The following B4GALNT2 variants were observed in gnomAD, a reference collection of about 807,000 sequenced individuals.
B4GALNT2 encodes the protein N-acetylneuraminylgalactosylglucosyl-glucoside beta-1,4-N- acetylgalactosaminyltransferase 2.
Under a neutral mutation model 51.1 loss-of-function variants are expected in B4GALNT2, and 42 were observed. The observed-to-expected ratio is 0.82, with a 90% CI of 0.64 to 1.06. B4GALNT2 has a LOEUF of 1.06. Among genes scored for constraint, B4GALNT2 ranks in the 50% least tolerant of loss-of-function variants. The pLI is 0.00. For synonymous variants in B4GALNT2, 253 were observed against 251.7 expected (o/e 1.01, Z -0.05); for missense variants, 602 against 633.6 (o/e 0.95, Z 0.54).
intron 1 of B4GALNT2, among the ~76,000 whole-genome samples, chr17:49,140,981 T>C (rs987230073): frequency 6.6e-6 from 1 of 152,062 alleles, no homozygotes. Flanking sequence ...CCTCCCAAAA[T>C]GCTGGGATTA....
chr17:49,159,077 C>T lies in B4GALNT2; in HGVS notation c.539C>T (p.Ala180Val). 6.2e-7 allele frequency: 1 copy of T among 1,614,248 alleles called. No homozygotes were observed. Among genetic ancestry groups the T allele is most frequent in the Non-Finnish European group, 8.5e-7 (1 of 1,180,030 alleles). ...TASLGTLNTLADVPDSVVQGR... is the reference protein window; with the variant it reads ...TASLGTLNTLVDVPDSVVQGR... ...TCTCTGGGGACACTGAACACCCTTG[C>T]TGATGTCCCAGACAGTGTGGTGCAG... Residue 180 changes from alanine (A) to valine (V), a missense_variant, in exon 6 of 11, where the codon GCT becomes GTT. Coordinates refer to ENST00000393354, the MANE Select transcript of B4GALNT2 (RefSeq NM_001159387.2).
At position 49,176,507 on chromosome 17, in the gene B4GALNT2, G is replaced by A. The variant is rs902552870; in HGVS notation, c.*6779G>A. Reference sequence around the variant, plus strand: ...TAAGGCACAGCTCGCTCATGCTATTGTTTGTGGCTTAGGAACACCTTAAGA... The same window carrying A: ...TAAGGCACAGCTCGCTCATGCTATTATTTGTGGCTTAGGAACACCTTAAGA... On this transcript the variant is annotated 3_prime_UTR_variant, in exon 11 of 11. Transcript: ENST00000393354. 2.6e-5 allele frequency: 4 copies of A among 152,198 alleles called. No homozygotes were observed. The highest frequency in any genetic ancestry group is 5.9e-5 in the Non-Finnish European group (4 of 68,034). 9.4% of individuals were successfully genotyped at this position (152,198 alleles called of 1,614,324 possible).
chr17:49,145,116 T>C (rs1271926526), intron 3 of B4GALNT2, among the ~76,000 whole-genome samples: 2 of 152,202 alleles, frequency 1.3e-5, no homozygotes, highest in Non-Finnish European at 2.9e-5. Context: ...AGACACACCC[T>C]GGATCAATAT....
Position 49,168,789 on chromosome 17 carries a change from G to T in B4GALNT2, c.1204G>T (p.Gly402Cys). 1.2e-6 allele frequency: 2 copies of T among 1,614,084 alleles called. No homozygotes were observed. The highest frequency in any genetic ancestry group is 1.7e-6 in the Non-Finnish European group (2 of 1,180,040). Residue 402 changes from glycine (G) to cysteine (C), a missense_variant, in exon 10 of 11, where the codon GGC (glycine) becomes TGC (cysteine). Transcript: ENST00000393354. ...KRMGFFQPLD[G>C]FPSCVVTSGV... is the part of the protein sequence containing the mutation. ...GATGGGATTTTTCCAACCCCTGGAT[G>T]GCTTCCCCAGCTGCGTGGTGACCAG...
At chr17:49,133,231 C>T in intron 1 of B4GALNT2, 2 of 1,475,538 alleles carry the variant, frequency 1.4e-6, no homozygotes, top group Non-Finnish European at 1.8e-6. Context: ...TATGTGAGTG[C>T]CCGGGCGCGG....
chr17:49,134,892 G>A (rs1030260101), intron 1 of B4GALNT2, among the ~76,000 whole-genome samples: 4 of 151,974 alleles, frequency 2.6e-5, no homozygotes, highest in Non-Finnish European at 5.9e-5. Context: ...TGCCCAGCCT[G>A]ATACTATATA....
At chr17:49,132,670 C>A, upstream of B4GALNT2, 1 of 1,214,822 alleles carries the variant, frequency 8.2e-7, no homozygotes, top group Non-Finnish European at 1.1e-6. Context: ...GGGGCCGTCC[C>A]AAGCGTCCTG....
intron 1 of B4GALNT2, among the ~76,000 whole-genome samples, chr17:49,139,496 G>A (rs2042620591): frequency 6.6e-6 from 1 of 152,132 alleles, no homozygotes; most frequent in Non-Finnish European, 1.5e-5. Flanking sequence ...AAAGTGCTGG[G>A]ATTACAGGCG....
chr17:49,164,141 CA>C lies in B4GALNT2; in HGVS notation c.821del (p.His274ProfsTer4). On this transcript the variant is annotated frameshift_variant, in exon 8 of 11. Transcript: ENST00000393354. LOFTEE classifies it high-confidence loss of function. ...TIATKTFLRP[H>X]KLMIMLRSIR... ...TGCTACCAAGACTTTCCTCCGCCCC[CA>C]CAAGCTCATGATCATGCTCCGGAGT... 1 of 1,614,156 alleles carries C rather than the reference CA, an allele frequency of 6.2e-7. No individual in the cohort carries two copies. The highest frequency in any genetic ancestry group is 1.3e-5 in the African/African-American group (1 of 75,052).
chr17:49,144,880 A>G (rs1183597161), intron 3 of B4GALNT2, among the ~76,000 whole-genome samples: 1 of 152,202 alleles, frequency 6.6e-6, no homozygotes, highest in African/African-American at 2.4e-5. Flanking sequence ...GAGCCAGTCC[A>G]AGTTCCAAAA....
Position 49,169,739 on chromosome 17 carries a change from G to A in B4GALNT2, c.*11G>A, listed in dbSNP as rs1458158091. The A allele has an allele frequency of 1.9e-6, 3 of 1,542,306 alleles. No homozygotes were observed. The highest frequency in any genetic ancestry group is 2.6e-6 in the Non-Finnish European group (3 of 1,141,196). On this transcript the variant is annotated 3_prime_UTR_variant, in exon 11 of 11. Transcript: ENST00000393354. ...CAATGTGCCGCATAAAGGTGTGAGG[G>A]CATAGGAGAAACACTAGGCTGGCTG...
At chr17:49,152,660 G>A in intron 3 of B4GALNT2, 140 bp from the exon 4 acceptor site, 1 of 595,802 alleles carries the variant, frequency 1.7e-6, no homozygotes, top group South Asian at 2.2e-5. Flanking sequence ...TGGGTGACGA[G>A]AATGGAGGGA....
upstream of B4GALNT2, among the ~76,000 whole-genome samples, chr17:49,129,129 G>C (rs992403349): frequency 7.6e-4 from 116 of 152,142 alleles, 1 homozygote; most frequent in Non-Finnish European, 2.4e-4. Flanking sequence ...GCTGGAATTG[G>C]CAAAGGGCCT....
chr17:49,158,785 C>G (rs1466202359), intron 5 of B4GALNT2, among the ~76,000 whole-genome samples: 1 of 151,946 alleles, frequency 6.6e-6, no homozygotes, highest in East Asian at 1.9e-4. Flanking sequence ...ACCCTGCGAG[C>G]TGAGAGATGG....
At chr17:49,133,782 A>G (rs895180442) in intron 1 of B4GALNT2, among the ~76,000 whole-genome samples, 7 of 152,144 alleles carry the variant, frequency 4.6e-5, no homozygotes, top group African/African-American at 9.6e-5. Flanking sequence ...GTGTGGTGGC[A>G]AGTGCCTGTA....
At chr17:49,145,450 T>G (rs2042685848) in intron 3 of B4GALNT2, among the ~76,000 whole-genome samples, 1 of 152,210 alleles carries the variant, frequency 6.6e-6, no homozygotes, top group Admixed American at 6.5e-5. Flanking sequence ...CACAAACATG[T>G]TTTTAACAAA....
intron 9 of B4GALNT2, 78 bp from the exon 10 acceptor site, chr17:49,168,602 AG>A: frequency 7.7e-7 from 1 of 1,296,980 alleles, no homozygotes. Flanking sequence ...ACCGAGGTGC[AG>A]TCCAGCGAGT....
At chr17:49,122,837 G>C in the B4GALNT2 span, among the ~76,000 whole-genome samples, 6 of 152,258 alleles carry the variant, frequency 3.9e-5, no homozygotes, top group Admixed American at 3.9e-4. Context: ...TCCACCCCGA[G>C]GCTGCTACAG....
Position 49,172,718 on chromosome 17 carries a change from G to C in B4GALNT2, c.*2990G>C, listed in dbSNP as rs1388236045. 1 of 152,136 alleles carries C rather than the reference G, an allele frequency of 6.6e-6. No individual in the cohort carries two copies. Among genetic ancestry groups the C allele is most frequent in the African/African-American group, 2.4e-5 (1 of 41,382 alleles). 9.4% of individuals were successfully genotyped at this position (152,136 alleles called of 1,614,324 possible). Reference sequence around the variant, plus strand: ...GCTAGTACAGCCTGGGGCATTATCTGTTTTAATAGAAGCTGGAATGCCCAT... The same window carrying C: ...GCTAGTACAGCCTGGGGCATTATCTCTTTTAATAGAAGCTGGAATGCCCAT... On this transcript the variant is annotated 3_prime_UTR_variant, in exon 11 of 11. Transcript: ENST00000393354.
Sources: gnomAD v4.1 joint callset for allele counts (sites outside exome capture counted in the v4.1 genomes callset) on GRCh38, gnomAD v4.1.1 for gene constraint, MANE v1.5 for transcripts, NCBI Gene and HGNC (gene_info 2026-07-23, HGNC 2026-07-21) for gene names.